SRPK2: variants seen among roughly 807,000 people sequenced by gnomAD.
SRPK2 encodes SFRS protein kinase 2.
In SRPK2, 21 loss-of-function variants were observed where a neutral mutation model predicts 90.8. The observed-to-expected ratio is 0.23, with a 90% CI of 0.16 to 0.33. SRPK2 has a LOEUF of 0.33. SRPK2 is among the 10% of genes least tolerant of loss of function. SRPK2 has a pLI of 1.00. For synonymous variants in SRPK2, 288 were observed against 311.1 expected, an observed-to-expected ratio of 0.93 and a Z score of 0.78; for missense variants, 620 against 869.0, an observed-to-expected ratio of 0.71 and a Z score of 3.60.
intron 2 of SRPK2, among the ~76,000 whole-genome samples, chr7:105,292,129 G>C (rs1039445008): frequency 6.6e-6 from 1 of 152,122 alleles, no homozygotes; most frequent in African/African-American, 2.4e-5. Context: ...AATGATTCTT[G>C]ACAGTCATAT....
At chr7:105,357,905 G>A (rs1817965327) in intron 2 of SRPK2, among the ~76,000 whole-genome samples, 1 of 152,104 alleles carries the variant, frequency 6.6e-6, no homozygotes. Flanking sequence ...GATTAGGGAA[G>A]CCACCCCCAT....
intron 2 of SRPK2, among the ~76,000 whole-genome samples, chr7:105,357,034 C>A (rs1301543818): frequency 6.6e-6 from 1 of 151,514 alleles, no homozygotes; most frequent in Non-Finnish European, 1.5e-5. Context: ...TAGGTAAACA[C>A]TAATTTTTTT....
chr7:105,159,459 A>AC (rs1807137454), intron 7 of SRPK2, among the ~76,000 whole-genome samples: 1 of 147,676 alleles, frequency 6.8e-6, no homozygotes, highest in Non-Finnish European at 1.5e-5. Context: ...AAAAAAAAAA[A>AC]AAAAAAAAAA....
chr7:105,281,418 C>A (rs898479486), intron 2 of SRPK2, among the ~76,000 whole-genome samples: 1 of 152,094 alleles, frequency 6.6e-6, no homozygotes, highest in Non-Finnish European at 1.5e-5. Flanking sequence ...ACTGCAAAAA[C>A]CGCAATTACA....
chr7:105,318,773 T>G (rs1004906280), intron 2 of SRPK2, among the ~76,000 whole-genome samples: 1 of 152,252 alleles, frequency 6.6e-6, no homozygotes, highest in African/African-American at 2.4e-5. Context: ...TCTTGCACAC[T>G]GCAGAATTCA....
At chr7:105,320,372 C>T (rs114410886) in intron 2 of SRPK2, among the ~76,000 whole-genome samples, 183 of 152,254 alleles carry the variant, frequency 1.2e-3, no homozygotes, top group African/African-American at 4.0e-3. Flanking sequence ...TCAAAATGGA[C>T]ACAATTTATG....
intron 2 of SRPK2, among the ~76,000 whole-genome samples, chr7:105,286,846 T>C (rs565030799): frequency 6.6e-6 from 1 of 152,320 alleles, no homozygotes; most frequent in Admixed American, 6.5e-5. Context: ...TAGAAAGACA[T>C]TTACACGTGG....
chr7:105,284,107 A>C (rs1354998583), intron 2 of SRPK2, among the ~76,000 whole-genome samples: 1 of 152,246 alleles, frequency 6.6e-6, no homozygotes, highest in East Asian at 1.9e-4. Context: ...CAGAGCTAGT[A>C]TGTAACTAAG....
At chr7:105,188,224 A>G (rs531661317) in intron 3 of SRPK2, among the ~76,000 whole-genome samples, 4 of 152,368 alleles carry the variant, frequency 2.6e-5, no homozygotes, top group Admixed American at 2.0e-4. Context: ...TTAAAACATT[A>G]TAAGTAAAAG....
intron 2 of SRPK2, among the ~76,000 whole-genome samples, chr7:105,208,594 T>C (rs1796482587): frequency 6.6e-6 from 1 of 152,004 alleles, no homozygotes; most frequent in South Asian, 2.1e-4. Flanking sequence ...GATAAATTTA[T>C]AGAGATGGGG....
rs111250557 is a variant in SRPK2 at position 105,254,676 on chromosome 7, G to T, written c.72-50891C>A. On this transcript the variant is annotated intron_variant, in intron 2 of 15. Coordinates refer to ENST00000393651, the MANE Select transcript of SRPK2 (RefSeq NM_182692.3). Reference sequence around the variant, plus strand: ...AAGTACATCTGCTTGTTTTTTTTTTGTTGTTGTTGTTGTTATTGTTGTTGT... The same window carrying T: ...AAGTACATCTGCTTGTTTTTTTTTTTTTGTTGTTGTTGTTATTGTTGTTGT... Among the ~76,000 whole-genome samples the T allele has an allele frequency of 3.4e-3, 512 of 150,400 alleles. 5 individuals carry two copies. The highest frequency in any genetic ancestry group is 9.6e-3 in the African/African-American group (395 of 40,946).
At chr7:105,144,813 C>T (rs1401189658) in intron 9 of SRPK2, among the ~76,000 whole-genome samples, 3 of 152,098 alleles carry the variant, frequency 2.0e-5, no homozygotes, top group Admixed American at 6.6e-5. Flanking sequence ...ATCATTAAAA[C>T]TTAACAAGAC....
intron 2 of SRPK2, among the ~76,000 whole-genome samples, chr7:105,296,706 T>G (rs1294703170): frequency 6.6e-6 from 1 of 152,218 alleles, no homozygotes; most frequent in South Asian, 2.1e-4. Context: ...GGAAAGCCTA[T>G]GAGGCTATTA....
intron 2 of SRPK2, among the ~76,000 whole-genome samples, chr7:105,226,603 A>G (rs998828066): frequency 3.9e-5 from 6 of 152,184 alleles, no homozygotes; most frequent in Non-Finnish European, 7.3e-5. Context: ...TCATGTTTTA[A>G]GAAGATATCC....
At chr7:105,251,945 T>A (rs976217569) in intron 2 of SRPK2, among the ~76,000 whole-genome samples, 1 of 152,190 alleles carries the variant, frequency 6.6e-6, no homozygotes, top group African/African-American at 2.4e-5. Flanking sequence ...TCTACTGACC[T>A]TTATCTCTTT....
chr7:105,201,300 G>T (rs549179871), intron 3 of SRPK2, among the ~76,000 whole-genome samples: 4 of 152,102 alleles, frequency 2.6e-5, no homozygotes, highest in Non-Finnish European at 2.9e-5. Context: ...ATTTGGGGGG[G>T]GCTGGCACGG....
chr7:105,232,416 G>A (rs535185890), intron 2 of SRPK2, among the ~76,000 whole-genome samples: 9 of 146,946 alleles, frequency 6.1e-5, no homozygotes, highest in African/African-American at 1.3e-4. Flanking sequence ...CCGAGATCGC[G>A]CCATTGCACT....
Position 105,268,664 on chromosome 7 carries a change from A to G in SRPK2, c.72-64879T>C, listed in dbSNP as rs1585449833. 6 of 912,014 alleles carry G rather than the reference A, an allele frequency of 6.6e-6. No homozygotes were observed. The East Asian group carries it at 1.4e-4, about 21-fold the overall frequency. The allele number at this position is 912,014 out of a possible 1,614,324, so 56.5% of individuals were successfully genotyped here. A position where few individuals can be genotyped will look rare whatever the true frequency, so the allele number is the denominator to read the frequency against. Reference sequence around the variant, plus strand: ...TGCAAAAGCAGAACAGCTTGCCCCAATACACATCTTCAATACAGCACAATA... The same window carrying G: ...TGCAAAAGCAGAACAGCTTGCCCCAGTACACATCTTCAATACAGCACAATA... On this transcript the variant is annotated intron_variant, in intron 2 of 15. Coordinates refer to ENST00000393651, the MANE Select transcript of SRPK2 (RefSeq NM_182692.3).
At chr7:105,130,872 C>T (rs1031400719) in intron 13 of SRPK2, among the ~76,000 whole-genome samples, 15 of 151,740 alleles carry the variant, frequency 9.9e-5, no homozygotes, top group Non-Finnish European at 1.6e-4. Context: ...CCTGACAGCA[C>T]TGAGGGAGCT....
Sources: allele counts gnomAD v4.1 joint callset (sites outside exome capture counted in the v4.1 genomes callset), GRCh38; gene constraint gnomAD v4.1.1; transcripts MANE v1.5; gene names NCBI Gene and HGNC (gene_info 2026-07-23, HGNC 2026-07-21).